The following XPO4 variants were observed in gnomAD, a reference collection of about 807,000 sequenced individuals.
The protein encoded by XPO4 is exportin-4.
Under a neutral mutation model 143.0 loss-of-function variants are expected in XPO4, and 39 were observed. That is an observed-to-expected ratio of 0.27 (90% CI 0.21 to 0.36). The LOEUF (loss-of-function observed/expected upper bound fraction) is 0.36, where lower values mean the gene tolerates loss of function less well. XPO4 is among the 10% of genes least tolerant of loss of function. XPO4 has a pLI of 1.00. For synonymous variants in XPO4, 439 were observed against 474.0 expected (o/e 0.93, Z 0.96); for missense variants, 907 against 1,348.0 (o/e 0.67, Z 5.12).
In XPO4 at chr13:20,812,092, C is replaced by T. The variant is rs376644971; in HGVS notation, c.1174-2125G>A. Reference sequence around the variant, plus strand: ...ATGTTGATTAAGAATAAGGAGGAGCCGGGCATGGTGGCTCATGCCTGTAAT... The same window carrying T: ...ATGTTGATTAAGAATAAGGAGGAGCTGGGCATGGTGGCTCATGCCTGTAAT... On this transcript the variant is annotated intron_variant, in intron 9 of 22. Coordinates refer to ENST00000255305, the MANE Select transcript of XPO4 (RefSeq NM_022459.5). 4.6e-5 allele frequency among the ~76,000 whole-genome samples: 7 copies of T among 152,132 alleles called. No homozygotes were observed. In the East Asian group the frequency reaches 9.7e-4, roughly 21 times the overall value.
chr13:20,838,385 G>A (rs981482315), intron 6 of XPO4, among the ~76,000 whole-genome samples: 17 of 151,360 alleles, frequency 1.1e-4, no homozygotes, highest in Admixed American at 9.8e-4. Flanking sequence ...TGAGATGGGT[G>A]GATCACGAGG....
chr13:20,868,185 A>ATG (rs2060261476), intron 2 of XPO4, among the ~76,000 whole-genome samples: 2 of 150,924 alleles, frequency 1.3e-5, no homozygotes, highest in Admixed American at 1.3e-4. Flanking sequence ...AAAAAAAACT[A>ATG]TGGAAAACAA....
In XPO4 at chr13:20,862,731, G is replaced by C; in HGVS notation, c.303C>G (p.Val101=). ...ESLRTFLLTY[V]LQRPNLQKYV... is the part of the protein sequence containing the mutation. ...CATGTACTTACTTGGGCCTTTGTAA[G>C]ACATAGGTTAAAAGGAATGTTCGCA... Residue 101 remains valine, a synonymous_variant, in exon 3 of 23, where the codon GTC becomes GTG. Transcript: ENST00000255305. The C allele has an allele frequency of 6.2e-7, 1 of 1,614,098 alleles. No homozygotes were observed. Among genetic ancestry groups the C allele is most frequent in the Non-Finnish European group, 8.5e-7 (1 of 1,180,002 alleles).
intron 6 of XPO4, among the ~76,000 whole-genome samples, chr13:20,835,610 A>G (rs969195220): frequency 6.6e-6 from 1 of 152,234 alleles, no homozygotes; most frequent in Admixed American, 6.5e-5. Flanking sequence ...ATCTAAGCTT[A>G]AAGCATAAAA....
intron 20 of XPO4, 56 bp from the exon 21 acceptor site, chr13:20,787,654 TAAAA>T: frequency 6.8e-7 from 1 of 1,467,390 alleles, no homozygotes; most frequent in Non-Finnish European, 9.5e-7. Flanking sequence ...TTATAAAAGA[TAAAA>T]AAATTATAGC....
At position 20,785,960 on chromosome 13, in the gene XPO4, AAAG is replaced by A. The variant is rs1367441195; in HGVS notation, c.3258+1002_3258+1004del. Among the ~76,000 whole-genome samples, 361 of 132,656 alleles carry A rather than the reference AAAG, an allele frequency of 2.7e-3. 4 individuals carry two copies. Among genetic ancestry groups the A allele is most frequent in the African/African-American group, 9.4e-3 (339 of 36,250 alleles). 87.0% of individuals were successfully genotyped at this position (132,656 alleles called of 152,430 possible). On this transcript the variant is annotated intron_variant, in intron 22 of 22. Coordinates refer to ENST00000255305, the MANE Select transcript of XPO4 (RefSeq NM_022459.5). The stretch of plus-strand genomic sequence containing the variant: ...GAAAAATGAAAGAAAAAGATAGAAA[AAAG>A]AAAAGAAAAAGAGAGGAAGGAAGGA...
chr13:20,783,689 A>G lies in XPO4; in HGVS notation c.*33T>C. 6.2e-7 allele frequency: 1 copy of G among 1,608,182 alleles called. No homozygotes were observed. The highest frequency in any genetic ancestry group is 2.2e-5 in the East Asian group (1 of 44,848). On this transcript the variant is annotated 3_prime_UTR_variant, in exon 23 of 23. Coordinates refer to ENST00000255305, the MANE Select transcript of XPO4 (RefSeq NM_022459.5). ...TTCAGCAATTCAGTGCACTTTGCAG[A>G]AAGGATCTAAATTAAGCATAAAGTT...
chr13:20,793,807 C>T (rs1246373795), intron 18 of XPO4, among the ~76,000 whole-genome samples: 1 of 152,110 alleles, frequency 6.6e-6, no homozygotes, highest in Non-Finnish European at 1.5e-5. Context: ...AAAAAATATT[C>T]CAAAAATATT....
intron 4 of XPO4, chr13:20,848,465 C>T (rs942536976): frequency 1.0e-6 from 1 of 985,262 alleles, no homozygotes; most frequent in African/African-American, 1.7e-5. Context: ...GCTCAAATTG[C>T]ATAATGCTTA....
intron 9 of XPO4, among the ~76,000 whole-genome samples, chr13:20,814,965 C>G (rs574017698): frequency 1.3e-5 from 2 of 152,236 alleles, no homozygotes; most frequent in South Asian, 4.1e-4. Context: ...ATAGTGGTTA[C>G]TTTTATTTAT....
chr13:20,866,261 G>T, intron 2 of XPO4: 1 of 984,380 alleles, frequency 1.0e-6, no homozygotes. Context: ...ACACAGAAAA[G>T]AGCAAAGAAA....
At chr13:20,812,868 A>G (rs1189833360) in intron 9 of XPO4, among the ~76,000 whole-genome samples, 1 of 151,880 alleles carries the variant, frequency 6.6e-6, no homozygotes, top group Non-Finnish European at 1.5e-5. Flanking sequence ...GAATTATTCC[A>G]TATTTTAAAT....
intron 3 of XPO4, among the ~76,000 whole-genome samples, chr13:20,857,605 T>A (rs2060156590): frequency 6.7e-6 from 1 of 150,098 alleles, no homozygotes; most frequent in Non-Finnish European, 1.5e-5. Flanking sequence ...CAGGCACCTG[T>A]AGTCCCAACT....
intron 14 of XPO4, 35 bp from the exon 15 acceptor site, chr13:20,800,360 A>G: frequency 6.3e-7 from 1 of 1,580,942 alleles, no homozygotes; most frequent in Non-Finnish European, 8.6e-7. Flanking sequence ...AAGGTAAGCA[A>G]GAAAGATCAA....
chr13:20,851,665 A>T, intron 4 of XPO4: 1 of 733,538 alleles, frequency 1.4e-6, no homozygotes, highest in Non-Finnish European at 1.7e-6. Flanking sequence ...GGCCAAGACT[A>T]CACCATTGCC....
chr13:20,785,606 A>C (rs921791509), intron 22 of XPO4, among the ~76,000 whole-genome samples: 1 of 151,452 alleles, frequency 6.6e-6, no homozygotes, highest in Non-Finnish European at 1.5e-5. Flanking sequence ...CCGAGGCAGG[A>C]GTTAGCAGTA....
chr13:20,818,482 A>G (rs1310462070), intron 9 of XPO4, among the ~76,000 whole-genome samples: 1 of 152,258 alleles, frequency 6.6e-6, no homozygotes, highest in African/African-American at 2.4e-5. Flanking sequence ...ATTAAAAAAG[A>G]TGATAATCTG....
intron 3 of XPO4, among the ~76,000 whole-genome samples, chr13:20,859,578 T>C (rs1186398782): frequency 7.2e-6 from 1 of 139,290 alleles, no homozygotes; most frequent in Non-Finnish European, 1.5e-5. Context: ...CCAGCCTGGA[T>C]GACAGACCGA....
chr13:20,861,777 C>CTTTT lies in XPO4; in HGVS notation c.317+936_317+939dup, dbSNP rs71200306. Among the ~76,000 whole-genome samples the CTTTT allele has an allele frequency of 3.3e-4, 24 of 73,442 alleles. 2 individuals are homozygous for CTTTT. Among genetic ancestry groups the CTTTT allele is most frequent in the African/African-American group, 8.2e-4 (17 of 20,806 alleles). 48.2% of individuals were successfully genotyped at this position (73,442 alleles called of 152,430 possible). ...TTAATAGAACCTTGCACATTTCTCT[C>CTTTT]TTTTTTTTTTTTTTTTTTTTTTTTT... is the stretch of plus-strand genomic sequence containing the variant. On this transcript the variant is annotated intron_variant, in intron 3 of 22. Transcript: ENST00000255305.
Sources: gnomAD v4.1 joint callset for allele counts (sites outside exome capture counted in the v4.1 genomes callset) on GRCh38, gnomAD v4.1.1 for gene constraint, MANE v1.5 for transcripts, NCBI Gene and HGNC (gene_info 2026-07-23, HGNC 2026-07-21) for gene names.